The following SMYD3 variants were observed in gnomAD, a reference collection of about 807,000 sequenced individuals.
The protein encoded by SMYD3 is histone-lysine N-methyltransferase SMYD3.
Under a neutral mutation model 57.7 loss-of-function variants are expected in SMYD3, and 36 were observed. That is an observed-to-expected ratio of 0.62 (90% confidence interval 0.48 to 0.82). The LOEUF (loss-of-function observed/expected upper bound fraction) is 0.82, where lower values mean the gene tolerates loss of function less well. Among genes scored for constraint, SMYD3 ranks in the 40% least tolerant of loss-of-function variants. The pLI is 0.00. For missense variants in SMYD3, 515 were observed against 538.8 expected, an observed-to-expected ratio of 0.96 and a Z score of 0.44; for synonymous variants, 211 against 195.0, an observed-to-expected ratio of 1.08 and a Z score of -0.68.
chr1:246,506,908 A>C, intron 1 of SMYD3, 146 bp downstream of exon 1: 36 of 669,330 alleles, frequency 5.4e-5, no homozygotes, highest in African/African-American at 1.2e-4. Flanking sequence ...GCCCCCGGGC[A>C]CACGCGCGTC....
At chr1:245,781,277 A>C (rs1489122973) in intron 10 of SMYD3, among the ~76,000 whole-genome samples, 1 of 152,254 alleles carries the variant, frequency 6.6e-6, no homozygotes, top group Non-Finnish European at 1.5e-5. Flanking sequence ...AAATTAAACA[A>C]CCTTATGAGA....
chr1:245,986,815 C>T (rs1263504005), intron 5 of SMYD3, among the ~76,000 whole-genome samples: 1 of 152,192 alleles, frequency 6.6e-6, no homozygotes, highest in Admixed American at 6.5e-5. Context: ...CTTCATCAAG[C>T]TTCAAGTAGT....
chr1:246,243,328 A>ATATATATT lies in SMYD3; in HGVS notation c.531+83872_531+83873insAATATATA, dbSNP rs61335937. ...TAGGGGAATATGTTGGTATATATAT[A>ATATATATT]TTTTCTATGGAGTTCTAAAATTTTA... On this transcript the variant is annotated intron_variant, in intron 5 of 11. Transcript: ENST00000490107. 2.0e-3 allele frequency among the ~76,000 whole-genome samples: 293 copies of ATATATATT among 147,890 alleles called. 3 individuals are homozygous for ATATATATT. Among genetic ancestry groups the ATATATATT allele is most frequent in the East Asian group, 6.5e-3 (30 of 4,650 alleles).
chr1:246,008,894 C>T (rs1248371603), intron 5 of SMYD3, among the ~76,000 whole-genome samples: 1 of 152,168 alleles, frequency 6.6e-6, no homozygotes, highest in Non-Finnish European at 1.5e-5. Context: ...GCACCTTCCC[C>T]AGGTGAGACA....
chr1:246,450,048 G>T (rs2067608755), intron 1 of SMYD3, among the ~76,000 whole-genome samples: 1 of 152,170 alleles, frequency 6.6e-6, no homozygotes, highest in Non-Finnish European at 1.5e-5. Flanking sequence ...AGCACTTTGG[G>T]AGGCCGAGGT....
At chr1:246,013,189 A>G (rs193005565) in intron 5 of SMYD3, among the ~76,000 whole-genome samples, 9 of 152,126 alleles carry the variant, frequency 5.9e-5, no homozygotes, top group Non-Finnish European at 1.0e-4. Flanking sequence ...TTATTTTATT[A>G]TTATTTTTGA....
chr1:245,768,277 A>C (rs1224710442), intron 10 of SMYD3, among the ~76,000 whole-genome samples: 1 of 152,200 alleles, frequency 6.6e-6, no homozygotes, highest in Non-Finnish European at 1.5e-5. Flanking sequence ...AATGGGTTTA[A>C]ACAAGCAGAG....
In SMYD3 at chr1:246,335,465, A is replaced by C. The variant is rs575283307; in HGVS notation, c.238T>G (p.Trp80Gly). 1 of 1,614,174 alleles carries C rather than the reference A, an allele frequency of 6.2e-7. No homozygotes were observed. Among genetic ancestry groups the C allele is most frequent in the East Asian group, 2.2e-5 (1 of 44,888 alleles). The stretch of plus-strand genomic sequence containing the variant: ...TTGCATTCCCGCTTGTGGTCTGGCC[A>C]AGCTTTTTTCTATTAAAACAAGAGT... ...YCSAKCQKKA[W>G]PDHKRECKCL... The change falls in exon 3 of 12, where the codon TGG becomes GGG. Residue 80 changes from tryptophan to glycine, a missense_variant. Trp to Gly is a radical substitution (Grantham distance 184, BLOSUM62 -2). Transcript: ENST00000490107.
At chr1:246,234,982 A>C (rs2063490214) in intron 5 of SMYD3, among the ~76,000 whole-genome samples, 2 of 152,206 alleles carry the variant, frequency 1.3e-5, no homozygotes, top group South Asian at 2.1e-4. Flanking sequence ...GAAAATGCAC[A>C]GATTACTGAA....
chr1:246,000,596 T>C (rs2059021222), intron 5 of SMYD3, among the ~76,000 whole-genome samples: 1 of 152,156 alleles, frequency 6.6e-6, no homozygotes, highest in Non-Finnish European at 1.5e-5. Flanking sequence ...CTTCTCTCTG[T>C]TTCCCCCTCC....
At chr1:246,176,044 A>G (rs2062428858) in intron 5 of SMYD3, among the ~76,000 whole-genome samples, 1 of 152,222 alleles carries the variant, frequency 6.6e-6, no homozygotes, top group South Asian at 2.1e-4. Context: ...AGATAATGGA[A>G]ACCAAGTGTT....
intron 7 of SMYD3, among the ~76,000 whole-genome samples, chr1:245,917,034 TAA>T (rs35610259): frequency 9.0e-5 from 13 of 144,474 alleles, no homozygotes; most frequent in African/African-American, 1.8e-4. Context: ...CATTGGGCTT[TAA>T]AAAAAAAAAA....
chr1:245,759,779 A>T (rs1041958487), intron 11 of SMYD3, among the ~76,000 whole-genome samples: 13 of 152,190 alleles, frequency 8.5e-5, no homozygotes, highest in Non-Finnish European at 1.5e-4. Context: ...AGATTTTTTT[A>T]AAAAAATGGA....
chr1:246,321,352 C>T (rs778198249), intron 5 of SMYD3, among the ~76,000 whole-genome samples: 1 of 152,124 alleles, frequency 6.6e-6, no homozygotes, highest in Non-Finnish European at 1.5e-5. Context: ...CTACTAAGTA[C>T]GTTATAGTTG....
chr1:246,247,974 T>C (rs1770024), intron 5 of SMYD3, among the ~76,000 whole-genome samples: 55,486 of 151,936 alleles, frequency 0.37, 11,027 homozygotes, highest in East Asian at 0.79. Flanking sequence ...TCGCTGTCCC[T>C]CACCATCAAA....
At chr1:246,445,358 C>T (rs971280146) in intron 1 of SMYD3, among the ~76,000 whole-genome samples, 1 of 152,170 alleles carries the variant, frequency 6.6e-6, no homozygotes, top group Non-Finnish European at 1.5e-5. Flanking sequence ...ACCAAGCCAA[C>T]TCAGGCAAAA....
At chr1:245,970,424 C>T (rs970819031) in intron 5 of SMYD3, among the ~76,000 whole-genome samples, 1 of 152,118 alleles carries the variant, frequency 6.6e-6, no homozygotes, top group South Asian at 2.1e-4. Flanking sequence ...GTCTAAAACA[C>T]CAAAAGCAAT....
At position 245,814,808 on chromosome 1, in the gene SMYD3, G is replaced by GCA. The variant is rs144385599; in HGVS notation, c.1076+43686_1076+43687dup. On this transcript the variant is annotated intron_variant, in intron 10 of 11. Coordinates refer to ENST00000490107, the MANE Select transcript of SMYD3 (RefSeq NM_001167740.2). ...ATGACCTTATCCCTTATCCCACCAT[G>GCA]CACACACACACACGCACGCACACAC... Among the ~76,000 whole-genome samples, 694 of 150,624 alleles carry GCA rather than the reference G, an allele frequency of 4.6e-3. 2 individuals carry two copies. Among genetic ancestry groups the GCA allele is most frequent in the Middle Eastern group, 0.031 (9 of 292 alleles).
intron 5 of SMYD3, among the ~76,000 whole-genome samples, chr1:245,953,766 C>G (rs1173419267): frequency 6.6e-6 from 1 of 152,112 alleles, no homozygotes; most frequent in Non-Finnish European, 1.5e-5. Context: ...AACAAAAACC[C>G]CACATGTACT....
Sources: allele counts gnomAD v4.1 joint callset (sites outside exome capture counted in the v4.1 genomes callset), GRCh38; gene constraint gnomAD v4.1.1; transcripts MANE v1.5; gene names NCBI Gene and HGNC (gene_info 2026-07-23, HGNC 2026-07-21).